The following SPATA18 variants were observed in gnomAD, a reference collection of about 807,000 sequenced individuals.
SPATA18 encodes the protein mitochondria-eating protein.
In SPATA18, 54 loss-of-function variants were observed where a neutral mutation model predicts 68.1. That is an observed-to-expected ratio of 0.79 (90% CI 0.64 to 0.99). The LOEUF (loss-of-function observed/expected upper bound fraction) is 0.99, where lower values mean the gene tolerates loss of function less well. Among genes scored for constraint, SPATA18 ranks in the 50% least tolerant of loss-of-function variants. The pLI is 0.00. For synonymous variants in SPATA18, 242 were observed against 244.8 expected (o/e 0.99, Z 0.11); for missense variants, 724 against 681.1 (o/e 1.06, Z -0.70).
chr4:52,070,545 G>GGT (rs887167104), intron 5 of SPATA18, among the ~76,000 whole-genome samples: 1 of 142,940 alleles, frequency 7.0e-6, no homozygotes, highest in Admixed American at 7.1e-5. Flanking sequence ...GGGGTAGGGG[G>GGT]AGGGGGGAGG....
intron 4 of SPATA18, among the ~76,000 whole-genome samples, chr4:52,067,527 G>A (rs1036222684): frequency 2.0e-5 from 3 of 152,064 alleles, no homozygotes; most frequent in Non-Finnish European, 4.4e-5. Context: ...TCACTTTGAG[G>A]CTTTTGCCTG....
rs1737848365 is a variant in SPATA18, at chr4:52,051,361, CGACGCGGGCCG to C, written c.-343_-333del. ...GGGCGGGGCGGCGCGGGCGTTGCCA[CGACGCGGGCCG>C]CGCGCGTCCCTGGCAGCCAACCCGT... On this transcript the variant is annotated 5_prime_UTR_variant, in exon 1 of 13. Transcript: ENST00000295213. 2 of 219,344 alleles carry C rather than the reference CGACGCGGGCCG, an allele frequency of 9.1e-6. No individual in the cohort carries two copies. Among genetic ancestry groups the C allele is most frequent in the East Asian group, 2.3e-4 (2 of 8,882 alleles). 13.6% of individuals were successfully genotyped at this position (219,344 alleles called of 1,614,324 possible). A position where few individuals can be genotyped will look rare whatever the true frequency, so the allele number is the denominator to read the frequency against.
At chr4:52,064,440 C>T (rs2109431358) in intron 4 of SPATA18, among the ~76,000 whole-genome samples, 1 of 152,156 alleles carries the variant, frequency 6.6e-6, no homozygotes, top group South Asian at 2.1e-4. Context: ...CTTCCTTTCC[C>T]TCCAAGTCCC....
Position 52,090,296 on chromosome 4 carries a change from G to A in SPATA18, c.1564-4231G>A, listed in dbSNP as rs140702616. The stretch of plus-strand genomic sequence containing the variant: ...TCCGTTTACATTTAAGGTTAATATT[G>A]TTATGTGTGTACTTGATCCTGTCAT... On this transcript the variant is annotated intron_variant, in intron 11 of 12. Transcript: ENST00000295213. Among the ~76,000 whole-genome samples the A allele has an allele frequency of 6.7e-3, 1,020 of 152,218 alleles. 5 individuals carry two copies. The highest frequency in any genetic ancestry group is 0.01 in the Non-Finnish European group (696 of 68,028).
At chr4:52,074,874 A>G (rs1740195597) in intron 6 of SPATA18, among the ~76,000 whole-genome samples, 1 of 152,178 alleles carries the variant, frequency 6.6e-6, no homozygotes, top group Admixed American at 6.5e-5. Flanking sequence ...TGTGATAAGA[A>G]GACTTGCTCA....
chr4:52,083,566 G>A (rs530455658), intron 10 of SPATA18: 36 of 739,620 alleles, frequency 4.9e-5, no homozygotes, highest in Middle Eastern at 1.4e-3. Flanking sequence ...GCAACATAGC[G>A]AGACCTCATC....
intron 11 of SPATA18, among the ~76,000 whole-genome samples, chr4:52,093,837 G>C (rs901858222): frequency 2.6e-5 from 4 of 152,104 alleles, no homozygotes; most frequent in African/African-American, 9.7e-5. Context: ...AATCTCAAAG[G>C]TATCACTGCA....
chr4:52,052,726 GATGATATGT>G (rs1473548583), intron 1 of SPATA18, among the ~76,000 whole-genome samples: 1 of 152,244 alleles, frequency 6.6e-6, no homozygotes, highest in African/African-American at 2.4e-5. Flanking sequence ...GATTGGTCTA[GATGATATGT>G]AAATTTCCTG....
intron 1 of SPATA18, among the ~76,000 whole-genome samples, chr4:52,058,291 A>G (rs549889238): frequency 6.6e-6 from 1 of 152,214 alleles, no homozygotes; most frequent in Non-Finnish European, 1.5e-5. Context: ...AAAAGAACTC[A>G]TGATCTTTTT....
chr4:52,067,441 CT>C (rs1739407163), intron 4 of SPATA18, among the ~76,000 whole-genome samples: 1 of 152,146 alleles, frequency 6.6e-6, no homozygotes, highest in Non-Finnish European at 1.5e-5. Flanking sequence ...CATAACACCC[CT>C]CCTGATCTGG....
Position 52,060,856 on chromosome 4 carries a change from T to A in SPATA18, c.268T>A (p.Ser90Thr), listed in dbSNP as rs1560583856. 6.2e-7 allele frequency: 1 copy of A among 1,613,888 alleles called. No homozygotes were observed. The change falls in exon 3 of 13, where the codon TCC becomes ACC. Residue 90 changes from serine (S) to threonine (T), a missense_variant. Physicochemically the swap from Ser to Thr is moderately conservative, Grantham distance 58. Transcript: ENST00000295213. The stretch of plus-strand genomic sequence containing the variant: ...GCTGGAGGCTTCCTTTACTGCTGCT[T>A]CCCTGGGAAAATCTGTTGACAGCAA... ...PWLEASFTAA[S>T]LGKSVDSKVP...
At chr4:52,068,070 A>G (rs1239379504) in intron 4 of SPATA18, among the ~76,000 whole-genome samples, 1 of 152,204 alleles carries the variant, frequency 6.6e-6, no homozygotes, top group African/African-American at 2.4e-5. Context: ...TTATATGTGC[A>G]TCCGCTTGTA....
intron 11 of SPATA18, among the ~76,000 whole-genome samples, chr4:52,085,335 C>A (rs533582555): frequency 6.6e-6 from 1 of 152,248 alleles, no homozygotes; most frequent in South Asian, 2.1e-4. Flanking sequence ...GATCTTGGCA[C>A]AAGTCCCTGG....
chr4:52,082,594 A>G, intron 10 of SPATA18, 84 bp downstream of exon 10: 1 of 1,611,388 alleles, frequency 6.2e-7, no homozygotes, highest in Non-Finnish European at 8.5e-7. Flanking sequence ...GAGATTCTAT[A>G]AAAGAAGTTT....
At chr4:52,094,469 A>C in intron 11 of SPATA18, 58 bp from the exon 12 acceptor site, 2 of 1,545,900 alleles carry the variant, frequency 1.3e-6, no homozygotes, top group Non-Finnish European at 1.8e-6. Flanking sequence ...TGTCAAAAGA[A>C]TTCATCCTTT....
intron 11 of SPATA18, among the ~76,000 whole-genome samples, chr4:52,092,605 C>A (rs776672193): frequency 6.6e-6 from 1 of 152,196 alleles, no homozygotes; most frequent in Non-Finnish European, 1.5e-5. Flanking sequence ...ACTCACTTGC[C>A]TTCTGCGTTG....
chr4:52,092,441 G>A (rs188653804), intron 11 of SPATA18, among the ~76,000 whole-genome samples: 2 of 152,262 alleles, frequency 1.3e-5, no homozygotes, highest in Admixed American at 6.5e-5. Flanking sequence ...AGACCCTCAC[G>A]GCTTCCCTTG....
chr4:52,051,865 A>AG, intron 1 of SPATA18, 74 bp downstream of exon 1: 1 of 1,428,090 alleles, frequency 7.0e-7, no homozygotes, highest in Non-Finnish European at 9.8e-7. Context: ...GGGATTTCTT[A>AG]GGGCTGGAGT....
chr4:52,094,802 G>A (rs34763682), intron 12 of SPATA18, 78 bp from the exon 13 acceptor site: 24,214 of 1,573,608 alleles, frequency 0.015, 212 homozygotes, highest in Non-Finnish European at 0.018. Context: ...TAGATTAACC[G>A]CCTCTTTCAT....
Sources: gnomAD v4.1 joint callset for allele counts (sites outside exome capture counted in the v4.1 genomes callset) on GRCh38, gnomAD v4.1.1 for gene constraint, MANE v1.5 for transcripts, NCBI Gene and HGNC (gene_info 2026-07-23, HGNC 2026-07-21) for gene names.